The following DNAH3 variants were observed in gnomAD, a reference collection of about 807,000 sequenced individuals.
The protein encoded by DNAH3 is dynein axonemal heavy chain 3.
In DNAH3, 332 loss-of-function variants were observed where a neutral mutation model predicts 432.5. The observed-to-expected ratio is 0.77, with a 90% CI of 0.70 to 0.84. The LOEUF is 0.84. Ranked by LOEUF, DNAH3 falls within the 40% of genes least tolerant of loss-of-function variation. The pLI, the probability that DNAH3 is intolerant of heterozygous loss-of-function variation, is 0.00. For synonymous variants in DNAH3, 1,956 were observed against 1,900.2 expected, an observed-to-expected ratio of 1.03 and a Z score of -0.76; for missense variants, 4,861 against 5,114.0, an observed-to-expected ratio of 0.95 and a Z score of 1.51.
In DNAH3 at chr16:21,020,401, T is replaced by A. The variant is rs377038768; in HGVS notation, c.5777-532A>T. ...TATATATATATATATATATATATTT[T>A]TTTTTTTTTTTTTTTTTTTGAGATG... On this transcript the variant is annotated intron_variant, in intron 40 of 61. Coordinates refer to ENST00000261383, the Ensembl canonical transcript of DNAH3. Among the ~76,000 whole-genome samples the A allele has an allele frequency of 8.8e-3, 251 of 28,362 alleles. 1 individual carries two copies. Among genetic ancestry groups the A allele is most frequent in the African/African-American group, 0.021 (157 of 7,586 alleles). The allele number at this position is 28,362 out of a possible 152,430, so 18.6% of individuals were successfully genotyped here.
At chr16:21,051,148 A>T (rs1476394891) in intron 29 of DNAH3, among the ~76,000 whole-genome samples, 1 of 152,242 alleles carries the variant, frequency 6.6e-6, no homozygotes, top group Non-Finnish European at 1.5e-5. Flanking sequence ...CTCTCACTGT[A>T]AGGAAATATA....
At chr16:21,020,306 G>A (rs1422801986) in intron 40 of DNAH3, among the ~76,000 whole-genome samples, 2 of 131,514 alleles carry the variant, frequency 1.5e-5, no homozygotes, top group African/African-American at 5.9e-5. Flanking sequence ...ACAGCCGTGA[G>A]CAATATTTTT....
At chr16:20,985,126 T>A in exon 48 of DNAH3, 1 of 1,614,178 alleles carries the variant, frequency 6.2e-7, no homozygotes, top group Non-Finnish European at 8.5e-7. Context: ...TTCAACCTTC[T>A]CTCCTTGGGT....
At chr16:21,024,120 C>T (rs534554637) in intron 39 of DNAH3, among the ~76,000 whole-genome samples, 3 of 152,192 alleles carry the variant, frequency 2.0e-5, no homozygotes, top group South Asian at 2.1e-4. Context: ...AGGGAGTGGT[C>T]GCTCACAGTA....
At chr16:20,964,126 A>G in exon 53 of DNAH3, 1 of 1,614,148 alleles carries the variant, frequency 6.2e-7, no homozygotes, top group Non-Finnish European at 8.5e-7. Flanking sequence ...ATCCTCCAGG[A>G]TGTTACCCTT....
At chr16:21,048,033 T>C (rs2089785228) in intron 31 of DNAH3, among the ~76,000 whole-genome samples, 1 of 152,192 alleles carries the variant, frequency 6.6e-6, no homozygotes, top group Non-Finnish European at 1.5e-5. Context: ...GTCTGCCCGT[T>C]CTCAGATCTC....
intron 31 of DNAH3, among the ~76,000 whole-genome samples, chr16:21,042,591 C>G (rs2089495593): frequency 6.6e-6 from 1 of 152,064 alleles, no homozygotes; most frequent in Non-Finnish European, 1.5e-5. Context: ...CTACTATAGA[C>G]TTTTAGCACG....
intron 1 of DNAH3, among the ~76,000 whole-genome samples, chr16:21,148,068 G>A (rs1422580364): frequency 6.6e-6 from 1 of 152,176 alleles, no homozygotes. Flanking sequence ...CATCGTATCA[G>A]TGTGATTTAT....
At chr16:21,127,839 T>C (rs1438118848) in intron 7 of DNAH3, 27 bp from the exon 9 acceptor site, 4 of 1,613,344 alleles carry the variant, frequency 2.5e-6, no homozygotes, top group Non-Finnish European at 3.4e-6. Context: ...AGAAATTTCC[T>C]AAGCTAAAGA....
chr16:21,077,352 G>A (rs769627606), intron 20 of DNAH3, among the ~76,000 whole-genome samples: 6 of 151,944 alleles, frequency 3.9e-5, no homozygotes, highest in African/African-American at 1.2e-4. Flanking sequence ...TAGTAGAGAC[G>A]GGGTTTCACC....
exon 53 of DNAH3, chr16:20,964,946 T>C (rs748127704): frequency 1.2e-6 from 2 of 1,614,232 alleles, no homozygotes. Context: ...TCGGTCCATC[T>C]GTCCTTCTCT....
chr16:21,058,772 G>C lies in DNAH3; in HGVS notation c.3814-576C>G, dbSNP rs141694469. Reference sequence around the variant, plus strand: ...AAACACTGCATGTTCTCACTCATAAGTGGGAGTTGAACAATGAGAACACAT... The same window carrying C: ...AAACACTGCATGTTCTCACTCATAACTGGGAGTTGAACAATGAGAACACAT... On this transcript the variant is annotated intron_variant, in intron 26 of 61. Transcript: ENST00000261383. 3.3e-3 allele frequency among the ~76,000 whole-genome samples: 505 copies of C among 152,266 alleles called. 3 individuals are homozygous for C. Among genetic ancestry groups the C allele is most frequent in the East Asian group, 5.0e-3 (26 of 5,186 alleles).
At chr16:21,060,522 T>TC (rs2090314028) in intron 25 of DNAH3, among the ~76,000 whole-genome samples, 166 bp from the exon 26 acceptor site, 1 of 121,030 alleles carries the variant, frequency 8.3e-6, no homozygotes, top group East Asian at 3.6e-4. Flanking sequence ...TTCTTTTTTT[T>TC]TTTCTTTTTT....
intron 5 of DNAH3, among the ~76,000 whole-genome samples, chr16:21,139,776 C>CTTTTTTTTTTTTTT: frequency 1.2e-5 from 1 of 86,232 alleles, no homozygotes; most frequent in Non-Finnish European, 2.1e-5. Flanking sequence ...CCACCTCATT[C>CTTTTTTTTTTTTTT]TTTTTTTTTT....
At chr16:21,045,615 C>CA (rs2089658316) in intron 31 of DNAH3, among the ~76,000 whole-genome samples, 1 of 147,194 alleles carries the variant, frequency 6.8e-6, no homozygotes, top group Non-Finnish European at 1.5e-5. Context: ...TTGATCCTTT[C>CA]AAAAAACCAG....
At chr16:20,959,469 A>T in intron 53 of DNAH3, 65 bp from the exon 54 acceptor site, 1 of 1,490,822 alleles carries the variant, frequency 6.7e-7, no homozygotes, top group East Asian at 2.3e-5. Context: ...CAGAACAGCT[A>T]TATCAACAAT....
chr16:21,068,331 G>T (rs372389127), intron 23 of DNAH3, among the ~76,000 whole-genome samples: 11 of 132,928 alleles, frequency 8.3e-5, no homozygotes, highest in Non-Finnish European at 1.6e-4. Flanking sequence ...TGGGTGGGGG[G>T]GGGGACAGAG....
intron 37 of DNAH3, among the ~76,000 whole-genome samples, chr16:21,029,387 AGAT>A (rs2088755206): frequency 6.6e-6 from 1 of 152,224 alleles, no homozygotes; most frequent in Non-Finnish European, 1.5e-5. Flanking sequence ...TTCTTCCTTG[AGAT>A]GATGATAAAT....
At chr16:20,986,777 T>C (rs1461104762) in intron 47 of DNAH3, among the ~76,000 whole-genome samples, 2 of 152,162 alleles carry the variant, frequency 1.3e-5, no homozygotes, top group Non-Finnish European at 2.9e-5. Context: ...ACTTGGCCTC[T>C]GAACGCAAGA....
Sources: gnomAD v4.1 joint callset for allele counts (sites outside exome capture counted in the v4.1 genomes callset) on GRCh38, gnomAD v4.1.1 for gene constraint, MANE v1.5 for transcripts, NCBI Gene and HGNC (gene_info 2026-07-23, HGNC 2026-07-21) for gene names.